The following LTBP2 variants were observed in gnomAD, a reference collection of about 807,000 sequenced individuals.
LTBP2 encodes latent transforming growth factor beta binding protein 2, also known as latent-transforming growth factor beta-binding protein 2.
A neutral mutation model predicts 210.6 loss-of-function variants in LTBP2; 103 were observed. The ratio of observed to expected loss-of-function variants is 0.49; its 90% CI spans 0.42 to 0.58. The LOEUF (loss-of-function observed/expected upper bound fraction) is 0.58, where lower values mean the gene tolerates loss of function less well. Ranked by LOEUF, LTBP2 falls within the 20% of genes least tolerant of loss-of-function variation. The probability of loss-of-function intolerance (pLI) is 0.00; values close to 1 mark genes in which losing one functional copy is unlikely to be tolerated. For missense variants in LTBP2, 2,313 were observed against 2,494.5 expected (o/e 0.93, Z 1.55); for synonymous variants, 1,007 against 1,015.0 (o/e 0.99, Z 0.15).
At chr14:74,596,258 TAAATAAAAATTA>T (rs1475894190) in intron 2 of LTBP2, among the ~76,000 whole-genome samples, 2 of 150,062 alleles carry the variant, frequency 1.3e-5, no homozygotes, top group African/African-American at 4.9e-5. Context: ...AATAAATAAA[TAAATAAAAATTA>T]AAAACAAAGA....
intron 10 of LTBP2, among the ~76,000 whole-genome samples, chr14:74,530,056 A>G (rs2087330234): frequency 6.6e-6 from 1 of 152,214 alleles, no homozygotes; most frequent in Admixed American, 6.5e-5. Context: ...TAAAATGAAG[A>G]TGAGAATGAT....
At chr14:74,605,516 G>A (rs2088513123) in intron 1 of LTBP2, among the ~76,000 whole-genome samples, 2 of 152,230 alleles carry the variant, frequency 1.3e-5, no homozygotes, top group South Asian at 4.1e-4. Context: ...CCCAGTGGAA[G>A]GGGAAACTAC....
At chr14:74,568,912 C>T (rs767361163) in intron 3 of LTBP2, among the ~76,000 whole-genome samples, 16 of 152,138 alleles carry the variant, frequency 1.1e-4, no homozygotes, top group Admixed American at 7.9e-4. Flanking sequence ...AAAGTGTTTT[C>T]ACCAGAAAGT....
At position 74,564,426 on chromosome 14, in the gene LTBP2, ACT is replaced by A. The variant is rs557298646; in HGVS notation, c.831-8735_831-8734del. On this transcript the variant is annotated intron_variant, in intron 3 of 35. Transcript: ENST00000261978. ...TATATATATTTTGAGACAGAGTCTC[ACT>A]CTGTTGCCCAGGCTGAAGTGCAGTG... is the stretch of plus-strand genomic sequence containing the variant. Among the ~76,000 whole-genome samples the A allele has an allele frequency of 2.5e-3, 319 of 126,276 alleles. 4 individuals are homozygous for A. Among genetic ancestry groups the A allele is most frequent in the African/African-American group, 9.7e-3 (311 of 32,072 alleles). The allele number at this position is 126,276 out of a possible 152,430, so 82.8% of individuals were successfully genotyped here.
chr14:74,557,761 G>A (rs1286563236), intron 3 of LTBP2, among the ~76,000 whole-genome samples: 3 of 152,164 alleles, frequency 2.0e-5, no homozygotes, highest in Admixed American at 6.5e-5. Context: ...GGGTGTAAGC[G>A]TATTGCAGAC....
intron 1 of LTBP2, among the ~76,000 whole-genome samples, chr14:74,606,018 G>A (rs1397532836): frequency 6.6e-6 from 1 of 152,172 alleles, no homozygotes; most frequent in African/African-American, 2.4e-5. Flanking sequence ...TGTCAGTTCA[G>A]TGGGCTCTGG....
chr14:74,572,570 T>C (rs2087999017), intron 3 of LTBP2, among the ~76,000 whole-genome samples: 1 of 151,850 alleles, frequency 6.6e-6, no homozygotes, highest in Non-Finnish European at 1.5e-5. Flanking sequence ...ATGGAGTAAC[T>C]GGAAAAACTA....
At position 74,501,045 on chromosome 14, in the gene LTBP2, G is replaced by A. The variant is rs138895442; in HGVS notation, c.5321-16C>T. ...TCATTCACATCTAAGAGGAAACAAA[G>A]GAGAGTGCTGTAGGGAGCCCAGGTG... On this transcript the variant is annotated splice_polypyrimidine_tract_variant and intron_variant, in intron 35 of 35. Coordinates refer to ENST00000261978, the MANE Select transcript of LTBP2 (RefSeq NM_000428.3). The A allele has an allele frequency of 9.1e-4, 1,473 of 1,610,366 alleles. 15 individuals carry two copies. In the African/African-American group the frequency reaches 0.015, roughly 17 times the overall value.
intron 24 of LTBP2, 45 bp from the exon 25 acceptor site, chr14:74,508,140 C>T (rs779505253): frequency 6.2e-7 from 1 of 1,611,006 alleles, no homozygotes; most frequent in Admixed American, 1.7e-5. Flanking sequence ...CGGGTCCCTT[C>T]CCTGTTAGGG....
At chr14:74,522,144 C>A in intron 16 of LTBP2, 105 bp from the exon 17 acceptor site, 2 of 1,356,604 alleles carry the variant, frequency 1.5e-6, no homozygotes, top group Non-Finnish European at 1.0e-6. Flanking sequence ...GGGGATGGTG[C>A]TGTGTGGCAA....
At chr14:74,593,927 A>G (rs1297051630) in intron 2 of LTBP2, among the ~76,000 whole-genome samples, 1 of 152,202 alleles carries the variant, frequency 6.6e-6, no homozygotes, top group Non-Finnish European at 1.5e-5. Context: ...GAGGATTAAA[A>G]ATGAACAATA....
intron 2 of LTBP2, among the ~76,000 whole-genome samples, chr14:74,597,360 T>G (rs1004191212): frequency 2.6e-4 from 40 of 152,188 alleles, no homozygotes; most frequent in African/African-American, 9.7e-4. Context: ...GGGAAAGTCC[T>G]GGGGAAGCCC....
At chr14:74,610,303 T>C (rs1219183073) in intron 1 of LTBP2, among the ~76,000 whole-genome samples, 2 of 152,246 alleles carry the variant, frequency 1.3e-5, no homozygotes, top group Non-Finnish European at 2.9e-5. Context: ...AAAGTCACTC[T>C]GAGCAGAAAT....
chr14:74,552,793 G>T, intron 5 of LTBP2, 99 bp downstream of exon 5: 1 of 1,451,122 alleles, frequency 6.9e-7, no homozygotes, highest in Non-Finnish European at 9.4e-7. Context: ...TGGAGCCACA[G>T]TTTGGGAGCA....
At chr14:74,600,218 C>T (rs988085679) in intron 2 of LTBP2, among the ~76,000 whole-genome samples, 1 of 152,234 alleles carries the variant, frequency 6.6e-6, no homozygotes, top group African/African-American at 2.4e-5. Context: ...AAGCAAACAG[C>T]ACAGGGACCA....
chr14:74,602,236 C>T (rs779834023), intron 2 of LTBP2, among the ~76,000 whole-genome samples: 6 of 152,192 alleles, frequency 3.9e-5, no homozygotes, highest in Admixed American at 2.0e-4. Flanking sequence ...CCAAGCAACC[C>T]GAGCTTCAGC....
At position 74,552,182 on chromosome 14, in the gene LTBP2, C is replaced by G. The variant is rs772727160; in HGVS notation, c.1399+5G>C. The G allele has an allele frequency of 2.5e-6, 4 of 1,597,568 alleles. No homozygotes were observed. Among genetic ancestry groups the G allele is most frequent in the South Asian group, 1.1e-5 (1 of 89,594 alleles). ...TCCCGCCGGCCCAGCTGTGCCGGCA[C>G]TCACCCAGCTGGTTGGAGAGCGGCA... On this transcript the variant is annotated splice_donor_5th_base_variant and intron_variant, in intron 6 of 35. Transcript: ENST00000261978.
intron 12 of LTBP2, 82 bp from the exon 13 acceptor site, chr14:74,527,448 C>T: frequency 6.8e-7 from 1 of 1,464,700 alleles, no homozygotes. Flanking sequence ...GGCGGCTTCA[C>T]AGTCTGCGCC....
intron 28 of LTBP2, 29 bp downstream of exon 28, chr14:74,506,019 C>T (rs1213979078): frequency 6.8e-6 from 11 of 1,613,762 alleles, no homozygotes; most frequent in Non-Finnish European, 9.3e-6. Context: ...CTCTGAGTCA[C>T]CATGGATAAT....
Sources: gnomAD v4.1 joint callset for allele counts (sites outside exome capture counted in the v4.1 genomes callset) on GRCh38, gnomAD v4.1.1 for gene constraint, MANE v1.5 for transcripts, NCBI Gene and HGNC (gene_info 2026-07-23, HGNC 2026-07-21) for gene names.